Variants in CSPG4 observed in about 807,000 individuals in gnomAD.
The protein encoded by CSPG4 is chondroitin sulfate proteoglycan 4 (melanoma-associated).
A neutral mutation model predicts 139.3 loss-of-function variants in CSPG4; 74 were observed. The ratio of observed to expected loss-of-function variants is 0.53; its 90% CI spans 0.44 to 0.64. The LOEUF (loss-of-function observed/expected upper bound fraction) is 0.64, where lower values mean the gene tolerates loss of function less well. CSPG4 is among the 30% of genes least tolerant of loss of function. The probability of loss-of-function intolerance (pLI) is 0.00; values close to 1 mark genes in which losing one functional copy is unlikely to be tolerated. For synonymous variants in CSPG4, 1,234 were observed against 1,394.2 expected (o/e 0.89, Z 2.56); for missense variants, 2,565 against 3,148.3 (o/e 0.81, Z 4.43).
intron 1 of CSPG4, among the ~76,000 whole-genome samples, chr15:75,707,102 T>C (rs919947414): frequency 2.0e-5 from 3 of 151,922 alleles, no homozygotes; most frequent in African/African-American, 7.3e-5. Flanking sequence ...GGATTACAGG[T>C]GTCGCCAGCA....
chr15:75,697,716 G>A (rs1227804661), intron 1 of CSPG4, among the ~76,000 whole-genome samples: 2 of 152,188 alleles, frequency 1.3e-5, no homozygotes, highest in Non-Finnish European at 2.9e-5. Context: ...CTGGGAGCCC[G>A]GAGCTGCTGG....
Position 75,677,023 on chromosome 15 carries a change from G to T in CSPG4, c.5496C>A (p.Pro1832=). 7.0e-7 allele frequency: 1 copy of T among 1,437,474 alleles called. No individual in the cohort carries two copies. The highest frequency in any genetic ancestry group is 9.2e-7 in the Non-Finnish European group (1 of 1,088,988). 89.0% of individuals were successfully genotyped at this position (1,437,474 alleles called of 1,614,324 possible). The change falls in exon 10 of 10, where the codon CCC becomes CCA. Residue 1832 remains proline, a synonymous_variant. Coordinates refer to ENST00000308508, the MANE Select transcript of CSPG4 (RefSeq NM_001897.5). The part of the protein sequence containing the change: ...AITVRDVNER[P]PQPQASVPLR... The stretch of plus-strand genomic sequence containing the variant: ...GTGGGACAGAGGCCTGTGGCTGAGG[G>T]GGCCGCTCATTTACATCCCTCACCG...
chr15:75,693,342 C>A lies in CSPG4; in HGVS notation c.89-109G>T. On this transcript the variant is annotated intron_variant, in intron 1 of 9. Coordinates refer to ENST00000308508, the MANE Select transcript of CSPG4 (RefSeq NM_001897.5). Reference sequence around the variant, plus strand: ...CAGAAAGGGGTCCGTGCTGGCGCACCCTCATGGTTCTGCTGTATGGTGCTG... The same window carrying A: ...CAGAAAGGGGTCCGTGCTGGCGCACACTCATGGTTCTGCTGTATGGTGCTG... The A allele has an allele frequency of 2.7e-6, 3 of 1,094,140 alleles. No homozygotes were observed. The South Asian group carries it at 4.8e-5, about 18-fold the overall frequency. The allele number at this position is 1,094,140 out of a possible 1,614,324, so 67.8% of individuals were successfully genotyped here.
rs138601278 is a variant in CSPG4, at chr15:75,689,171, C to G, written c.1894G>C (p.Gly632Arg). The change falls in exon 3 of 10, where the codon GGT (glycine) becomes CGT (arginine). Residue 632 changes from glycine to arginine, a missense_variant. Transcript: ENST00000308508. ...AACGTCAAGTCCTGTGCAGGACCACCGCGGTGGACATAGACTAGGCTGCCG... is the reference window on the plus strand; with the variant it reads ...AACGTCAAGTCCTGTGCAGGACCACGGCGGTGGACATAGACTAGGCTGCCG... The part of the protein sequence containing the change: ...EAGSLVYVHR[G>R]GPAQDLTFRV... 2 of 1,601,998 alleles carry G rather than the reference C, an allele frequency of 1.2e-6. No individual in the cohort carries two copies. Among genetic ancestry groups the G allele is most frequent in the Non-Finnish European group, 1.7e-6 (2 of 1,174,692 alleles).
chr15:75,699,831 C>A (rs1434336504), intron 1 of CSPG4, among the ~76,000 whole-genome samples: 8 of 152,040 alleles, frequency 5.3e-5, no homozygotes, highest in Non-Finnish European at 7.4e-5. Flanking sequence ...AGAGGCTTTT[C>A]CCTGCCTTAT....
chr15:75,675,148 C>T lies in CSPG4; in HGVS notation c.*402G>A. ...CAGGAATAGCTTCCTCTGTCCCTTC[C>T]CTCCCCAGGGTACTTCCTTCTCCTT... On this transcript the variant is annotated 3_prime_UTR_variant, in exon 10 of 10. Transcript: ENST00000308508. The T allele has an allele frequency of 3.2e-6, 1 of 307,712 alleles. No individual in the cohort carries two copies. The highest frequency in any genetic ancestry group is 5.1e-5 in the East Asian group (1 of 19,666). 19.1% of individuals were successfully genotyped at this position (307,712 alleles called of 1,614,324 possible).
rs115161109 is a variant in CSPG4 at position 75,675,583 on chromosome 15, G to T, written c.6936C>A (p.Asn2312Lys). The change falls in exon 10 of 10, where the codon AAC becomes AAA. Residue 2312 changes from asparagine (N) to lysine (K), a missense_variant. Around this residue, in one of 5 missense-constraint regions of CSPG4, gnomAD observed 2,316 missense variants for 2,818.2 expected, o/e 0.82. Transcript: ENST00000308508. ...PELLQFCRTP[N>K]PALKNGQYWV Reference sequence around the variant, plus strand: ...AGTACTGGCCATTCTTAAGGGCAGGGTTGGGTGTCCGGCAGAACTGCAGCA... The same window carrying T: ...AGTACTGGCCATTCTTAAGGGCAGGTTTGGGTGTCCGGCAGAACTGCAGCA... The T allele has an allele frequency of 1.5e-4, 221 of 1,512,264 alleles. No individual in the cohort carries two copies. The African/African-American group carries it at 2.9e-3, about 20-fold the overall frequency. The allele number at this position is 1,512,264 out of a possible 1,614,324, so 93.7% of individuals were successfully genotyped here.
At chr15:75,706,953 CTTTT>C (rs34579443) in intron 1 of CSPG4, among the ~76,000 whole-genome samples, 4 of 136,526 alleles carry the variant, frequency 2.9e-5, no homozygotes, top group African/African-American at 2.7e-5. Context: ...CACATAAGAA[CTTTT>C]TTTTTTTTTT....
rs539337124 is a variant in CSPG4 at position 75,689,931 on chromosome 15, G to A, written c.1134C>T (p.Ala378=). The part of the protein sequence containing the change: ...REALLTRNMA[A]GCRLEEEEYE... ...ACTCCTCCTCCTCCAGCCTGCAGCC[G>A]GCTGCCATGTTGCGCGTCAGCAAAG... Residue 378 remains alanine, a synonymous_variant, in exon 3 of 10, where the codon GCC becomes GCT. Coordinates refer to ENST00000308508, the MANE Select transcript of CSPG4 (RefSeq NM_001897.5). 5.7e-5 allele frequency: 92 copies of A among 1,611,816 alleles called. No homozygotes were observed. Among genetic ancestry groups the A allele is most frequent in the African/African-American group, 2.0e-4 (15 of 75,024 alleles).
rs751786833 is a variant in CSPG4, at chr15:75,687,327, C to G, written c.3738G>C (p.Lys1246Asn). Residue 1246 changes from lysine to asparagine, a missense_variant, in exon 3 of 10, where the codon AAG becomes AAC. Coordinates refer to ENST00000308508, the MANE Select transcript of CSPG4 (RefSeq NM_001897.5). The surrounding 1 kb of genome is among the most constrained non-coding windows in gnomAD (Gnocchi z 5.4). ...LAPLKLVRHK[K>N]IYVFQGEAAE... ...CTGCCTCTCCCTGGAAGACGTAGAT[C>G]TTCTTGTGCCGGACCAGCTTCAGTG... 5.6e-6 allele frequency: 9 copies of G among 1,612,234 alleles called. No homozygotes were observed. In the African/African-American group the frequency reaches 8.0e-5, roughly 14 times the overall value.
chr15:75,674,738 G>T lies in CSPG4; in HGVS notation c.*812C>A, dbSNP rs541033018. ...GCAGTGGCCTCGGCCTGAGACCCTC[G>T]ATGAGCCCCAGCCTAACCTGCTCCA... On this transcript the variant is annotated 3_prime_UTR_variant, in exon 10 of 10. Transcript: ENST00000308508. 5.0e-6 allele frequency: 2 copies of T among 398,688 alleles called. No homozygotes were observed. Among genetic ancestry groups the T allele is most frequent in the South Asian group, 1.3e-4 (1 of 7,852 alleles). The allele number at this position is 398,688 out of a possible 1,614,324, so 24.7% of individuals were successfully genotyped here.
In CSPG4 at chr15:75,696,039, C is replaced by A. The variant is rs553825649; in HGVS notation, c.89-2806G>T. Among the ~76,000 whole-genome samples the A allele has an allele frequency of 4.7e-4, 71 of 152,278 alleles. No individual in the cohort carries two copies. Among genetic ancestry groups the A allele is most frequent in the African/African-American group, 1.6e-3 (65 of 41,554 alleles). On this transcript the variant is annotated intron_variant, in intron 1 of 9. Transcript: ENST00000308508. This position sits in a 1 kb window ranked among gnomAD's most constrained non-coding sequence, Gnocchi z 4.2. ...GGCTGGATCAGACCTGCCGTTGATT[C>A]TCCTGGGTCAAGAGGACCCATGATT...
At position 75,675,685 on chromosome 15, in the gene CSPG4, C is replaced by T; in HGVS notation, c.6834G>A (p.Val2278=). ...TGAGCGGGATGGCCTGGCCTGGCTC[C>T]ACCTTGCGAAAGGTCTCGGTGTCAC... is the stretch of plus-strand genomic sequence containing the variant. ...LAGDTETFRK[V]EPGQAIPLTA... The change falls in exon 10 of 10, where the codon GTG becomes GTA. Residue 2278 remains valine (V), a synonymous_variant. Coordinates refer to ENST00000308508, the MANE Select transcript of CSPG4 (RefSeq NM_001897.5). The T allele has an allele frequency of 6.4e-7, 1 of 1,555,874 alleles. No homozygotes were observed. Among genetic ancestry groups the T allele is most frequent in the African/African-American group, 1.4e-5 (1 of 73,324 alleles).
chr15:75,712,667 C>A lies in CSPG4; in HGVS notation c.88+1G>T. On this transcript the variant is annotated splice_donor_variant, in intron 1 of 9. Transcript: ENST00000308508. LOFTEE classifies it high-confidence loss of function. ...GTCGGGGTCTCAGGCCCCTCACTCA[C>A]CCGCGGATGCAAGTCTGGCCAACAT... The A allele has an allele frequency of 1.9e-6, 3 of 1,558,498 alleles. No homozygotes were observed. Among genetic ancestry groups the A allele is most frequent in the Non-Finnish European group, 1.7e-6 (2 of 1,151,530 alleles).
Position 75,687,173 on chromosome 15 carries a change from G to T in CSPG4, c.3789+103C>A. ...GGCACGTGCACACATGTAACCTGGA[G>T]CCACCACAGCCACAGCCCAAGTCAC... On this transcript the variant is annotated intron_variant, in intron 3 of 9. Transcript: ENST00000308508. This position sits in a 1 kb window ranked among gnomAD's most constrained non-coding sequence, Gnocchi z 5.4. The T allele has an allele frequency of 1.4e-6, 2 of 1,384,122 alleles. No individual in the cohort carries two copies. The highest frequency in any genetic ancestry group is 2.4e-5 in the South Asian group (2 of 83,592). 85.7% of individuals were successfully genotyped at this position (1,384,122 alleles called of 1,614,324 possible).
rs778574722 is a variant in CSPG4, at chr15:75,685,342, G to A, written c.4149C>T (p.Ser1383=). The change falls in exon 4 of 10, where the codon TCC becomes TCT. Residue 1383 remains serine, a synonymous_variant. Transcript: ENST00000308508. ...CCAGGAGAGTGGGGAAGTAGGGCCC[G>A]GAGACACGGAGCAGTGGAGGGGCCA... ...LTLAPPLLRV[S]GPYFPTLLGL... 8.1e-6 allele frequency: 13 copies of A among 1,608,278 alleles called. No homozygotes were observed. Among genetic ancestry groups the A allele is most frequent in the South Asian group, 2.2e-5 (2 of 90,620 alleles).
At chr15:75,694,749 C>T (rs373220876) in intron 1 of CSPG4, among the ~76,000 whole-genome samples, 1 of 152,240 alleles carries the variant, frequency 6.6e-6, no homozygotes, top group South Asian at 2.1e-4. Context: ...TGGGAAGCTA[C>T]GGGAATCAAG....
chr15:75,682,952 G>A lies in CSPG4; in HGVS notation c.4539C>T (p.Ile1513=), dbSNP rs753767013. ...CTACCCGCCCGTTGCTGGGCTGCTC[G>A]ATGGTGTAGACCAGATCCTCAGACC... The part of the protein sequence containing the change: ...DSGSEDLVYT[I]EQPSNGRVVL... Residue 1513 remains isoleucine (I), a synonymous_variant, in exon 6 of 10, where the codon ATC becomes ATT. Transcript: ENST00000308508. 5.3e-5 allele frequency: 85 copies of A among 1,611,418 alleles called. No individual in the cohort carries two copies. The highest frequency in any genetic ancestry group is 6.8e-5 in the Non-Finnish European group (80 of 1,179,698).
intron 8 of CSPG4, chr15:75,678,922 G>A (rs1365029795): frequency 5.1e-6 from 2 of 391,676 alleles, no homozygotes; most frequent in Non-Finnish European, 1.0e-5. Flanking sequence ...TCCTCCAAGA[G>A]AGCCACAGGC....
Sources: allele counts gnomAD v4.1 joint callset (sites outside exome capture counted in the v4.1 genomes callset), GRCh38; gene constraint gnomAD v4.1.1; regional missense constraint gnomAD v4.1.1; non-coding constraint Gnocchi (gnomAD v3.1); transcripts MANE v1.5; gene names NCBI Gene and HGNC (gene_info 2026-07-23, HGNC 2026-07-21).